Variants in ERBB4 observed in about 807,000 individuals in gnomAD.
The protein encoded by ERBB4 is erb-b2 receptor tyrosine kinase 4.
In ERBB4, 42 loss-of-function variants were observed where a neutral mutation model predicts 158.0. The ratio of observed to expected loss-of-function variants is 0.27; its 90% CI spans 0.21 to 0.34. The LOEUF is 0.34. Ranked by LOEUF, ERBB4 falls within the 10% of genes least tolerant of loss-of-function variation. The probability of loss-of-function intolerance (pLI) is 1.00; values close to 1 mark genes in which losing one functional copy is unlikely to be tolerated. For synonymous variants in ERBB4, 583 were observed against 558.7 expected (o/e 1.04, Z -0.61); for missense variants, 1,333 against 1,624.1 (o/e 0.82, Z 3.08).
chr2:211,949,646 T>C (rs1263833252), intron 2 of ERBB4, among the ~76,000 whole-genome samples: 1 of 152,226 alleles, frequency 6.6e-6, no homozygotes, highest in African/African-American at 2.4e-5. Context: ...ATCAGTTCTC[T>C]TTCACATGAA....
chr2:211,783,436 G>A (rs1197107280), intron 4 of ERBB4, among the ~76,000 whole-genome samples: 1 of 152,196 alleles, frequency 6.6e-6, no homozygotes, highest in Non-Finnish European at 1.5e-5. Context: ...GGGCATCCCT[G>A]TCTTGTGCCA....
intron 1 of ERBB4, among the ~76,000 whole-genome samples, chr2:212,132,107 A>G (rs1424460704): frequency 1.3e-5 from 2 of 152,162 alleles, no homozygotes; most frequent in East Asian, 1.9e-4. Flanking sequence ...TTAATTTTAC[A>G]CAATAGTATT....
chr2:212,114,157 T>A (rs111314004), intron 2 of ERBB4, among the ~76,000 whole-genome samples: 2 of 152,182 alleles, frequency 1.3e-5, no homozygotes, highest in African/African-American at 4.8e-5. Context: ...ACTTAAATAA[T>A]TGTCATAGTA....
intron 13 of ERBB4, among the ~76,000 whole-genome samples, chr2:211,676,773 T>G (rs1439308728): frequency 6.6e-6 from 1 of 151,358 alleles, no homozygotes; most frequent in Non-Finnish European, 1.5e-5. Context: ...TAATGTAATA[T>G]TCACTTAATG....
At chr2:212,408,214 A>G (rs1022249602) in intron 1 of ERBB4, among the ~76,000 whole-genome samples, 2 of 151,990 alleles carry the variant, frequency 1.3e-5, no homozygotes, top group African/African-American at 4.8e-5. Flanking sequence ...AGCATGCATT[A>G]GCTCTTTTCT....
chr2:212,339,613 CCT>C (rs1339355815), intron 1 of ERBB4, among the ~76,000 whole-genome samples: 1 of 152,074 alleles, frequency 6.6e-6, no homozygotes, highest in East Asian at 1.9e-4. Flanking sequence ...GAGAATTTTC[CCT>C]CTGTTTCTTT....
chr2:212,032,094 G>A lies in ERBB4; in HGVS notation c.235-84478C>T, dbSNP rs577838309. ...GTAAATCCAGATTCAGACCATTAATGAAAGTGTACAATTTTCAAACATGCC... is the reference window on the plus strand; with the variant it reads ...GTAAATCCAGATTCAGACCATTAATAAAAGTGTACAATTTTCAAACATGCC... On this transcript the variant is annotated intron_variant, in intron 2 of 27. Transcript: ENST00000342788. Among the ~76,000 whole-genome samples the A allele has an allele frequency of 2.0e-5, 3 of 152,210 alleles. No individual in the cohort carries two copies. In the East Asian group the frequency reaches 5.8e-4, roughly 29 times the overall value.
chr2:211,765,115 C>A (rs2075520851), intron 4 of ERBB4, among the ~76,000 whole-genome samples: 1 of 152,112 alleles, frequency 6.6e-6, no homozygotes, highest in African/African-American at 2.4e-5. Flanking sequence ...ATATTTTAAT[C>A]TATTATTCCA....
At chr2:212,023,762 A>G (rs2076711093) in intron 2 of ERBB4, among the ~76,000 whole-genome samples, 1 of 151,982 alleles carries the variant, frequency 6.6e-6, no homozygotes, top group Non-Finnish European at 1.5e-5. Flanking sequence ...AGTAGATTCA[A>G]TTAAATCAAA....
At chr2:211,915,507 C>T (rs2079664835) in intron 3 of ERBB4, among the ~76,000 whole-genome samples, 1 of 150,654 alleles carries the variant, frequency 6.6e-6, no homozygotes, top group Non-Finnish European at 1.5e-5. Flanking sequence ...TCATGAAATC[C>T]ACATCCATTG....
intron 2 of ERBB4, among the ~76,000 whole-genome samples, chr2:212,111,767 T>A (rs1322105804): frequency 2.0e-5 from 3 of 152,014 alleles, no homozygotes; most frequent in Non-Finnish European, 4.4e-5. Flanking sequence ...CCAGGCAGGG[T>A]GCTAGGTACT....
chr2:212,113,903 T>C (rs934540084), intron 2 of ERBB4, among the ~76,000 whole-genome samples: 1 of 152,208 alleles, frequency 6.6e-6, no homozygotes, highest in South Asian at 2.1e-4. Context: ...GGAACTTCAG[T>C]TGGAAAAGTA....
chr2:211,981,968 T>C (rs1253324935), intron 2 of ERBB4, among the ~76,000 whole-genome samples: 1 of 152,186 alleles, frequency 6.6e-6, no homozygotes, highest in Non-Finnish European at 1.5e-5. Context: ...GTAAGTTTTA[T>C]ACCATATTTT....
At chr2:212,416,422 C>T (rs2091653631) in intron 1 of ERBB4, among the ~76,000 whole-genome samples, 1 of 151,980 alleles carries the variant, frequency 6.6e-6, no homozygotes, top group Non-Finnish European at 1.5e-5. Flanking sequence ...AGATGCAACC[C>T]GTACTTAGGA....
chr2:211,440,885 A>T (rs2063958875), intron 20 of ERBB4, among the ~76,000 whole-genome samples: 1 of 152,186 alleles, frequency 6.6e-6, no homozygotes, highest in Non-Finnish European at 1.5e-5. Flanking sequence ...AAAGTGTGTC[A>T]TTCAATTCAG....
chr2:212,163,204 T>A (rs181813020), intron 1 of ERBB4, among the ~76,000 whole-genome samples: 2 of 152,006 alleles, frequency 1.3e-5, no homozygotes, highest in East Asian at 3.9e-4. Flanking sequence ...AAATGCTACC[T>A]ATCTGTGTGT....
chr2:211,542,006 T>G (rs2066822605), intron 20 of ERBB4, among the ~76,000 whole-genome samples: 1 of 134,668 alleles, frequency 7.4e-6, no homozygotes, highest in African/African-American at 2.6e-5. Context: ...AGGGTCCACA[T>G]TTTTTTTATT....
chr2:212,050,589 G>T (rs1031457526), intron 2 of ERBB4, among the ~76,000 whole-genome samples: 6 of 151,962 alleles, frequency 3.9e-5, no homozygotes, highest in African/African-American at 1.2e-4. Context: ...TTTAAATGAC[G>T]TTAATGCTGT....
chr2:212,084,972 T>C (rs894827616), intron 2 of ERBB4, among the ~76,000 whole-genome samples: 4 of 151,974 alleles, frequency 2.6e-5, no homozygotes, highest in African/African-American at 7.2e-5. Flanking sequence ...AATCTAAGTG[T>C]AATAGTTCTC....
Sources: allele counts gnomAD v4.1 joint callset (sites outside exome capture counted in the v4.1 genomes callset), GRCh38; gene constraint gnomAD v4.1.1; transcripts MANE v1.5; gene names NCBI Gene and HGNC (gene_info 2026-07-23, HGNC 2026-07-21).